RHOH: variants seen among roughly 807,000 people sequenced by gnomAD.
RHOH encodes ras homolog family member H.
Under a neutral mutation model 13.8 loss-of-function variants are expected in RHOH, and 6 were observed. The observed-to-expected ratio is 0.44, with a 90% CI of 0.24 to 0.86. The LOEUF (loss-of-function observed/expected upper bound fraction) is 0.86, where lower values mean the gene tolerates loss of function less well. Ranked by LOEUF, RHOH falls within the 40% of genes least tolerant of loss-of-function variation. The pLI is 0.24. For missense variants in RHOH, 147 were observed against 244.5 expected (o/e 0.60, Z 2.66); for synonymous variants, 117 against 103.0 (o/e 1.14, Z -0.82).
intron 1 of RHOH, among the ~76,000 whole-genome samples, chr4:40,197,825 T>C (rs1723401916): frequency 6.6e-6 from 1 of 152,362 alleles, no homozygotes; most frequent in Admixed American, 6.5e-5. Context: ...ATTTTTTAAT[T>C]AAATTTAATC....
At chr4:40,199,386 AC>A (rs1373126974) in intron 1 of RHOH, among the ~76,000 whole-genome samples, 1 of 152,244 alleles carries the variant, frequency 6.6e-6, no homozygotes, top group African/African-American at 2.4e-5. Flanking sequence ...AAGTAGGGTG[AC>A]AGGTGGAGGC....
At chr4:40,195,144 T>A (rs1052913119), upstream of RHOH, among the ~76,000 whole-genome samples, 6 of 152,212 alleles carry the variant, frequency 3.9e-5, no homozygotes, top group African/African-American at 1.4e-4. Context: ...TGTCTTCACT[T>A]CTCTTGGCCT....
At chr4:40,229,798 T>C (rs1294473419) in intron 1 of RHOH, among the ~76,000 whole-genome samples, 2 of 152,158 alleles carry the variant, frequency 1.3e-5, no homozygotes, top group Non-Finnish European at 2.9e-5. Context: ...CCAATCTTAC[T>C]TTATCCATTG....
intron 1 of RHOH, chr4:40,240,463 T>A (rs972966945): frequency 3.9e-5 from 6 of 152,136 alleles, no homozygotes; most frequent in African/African-American, 1.4e-4. Context: ...AGAGCAAGAC[T>A]CTGTCTCAAA....
At chr4:40,227,628 G>A (rs1393670046) in intron 1 of RHOH, among the ~76,000 whole-genome samples, 1 of 152,004 alleles carries the variant, frequency 6.6e-6, no homozygotes, top group African/African-American at 2.4e-5. Flanking sequence ...CAGGAATCTG[G>A]GGAATTCCCA....
chr4:40,218,102 CAAGT>C lies in RHOH; in HGVS notation c.-331+20803_-331+20806del, dbSNP rs1161960197. The C allele has an allele frequency of 6.6e-6, 1 of 152,174 alleles. No homozygotes were observed. The highest frequency in any genetic ancestry group is 1.5e-5 in the Non-Finnish European group (1 of 68,052). The allele number at this position is 152,174 out of a possible 1,614,324, so 9.4% of individuals were successfully genotyped here. On this transcript the variant is annotated intron_variant, in intron 1 of 2. Transcript: ENST00000381799. This position sits in a 1 kb window ranked among gnomAD's most constrained non-coding sequence, Gnocchi z 4.1. Reference sequence around the variant, plus strand: ...GTCCTTGGTATGAACATTTGGGAGGCAAGTGAGTGATAATGACCCACGGCTGCCT... The same window carrying C: ...GTCCTTGGTATGAACATTTGGGAGGCGAGTGATAATGACCCACGGCTGCCT...
upstream of RHOH, among the ~76,000 whole-genome samples, chr4:40,195,354 T>TTGCC (rs1553932214): frequency 1.1e-5 from 1 of 91,950 alleles, no homozygotes; most frequent in Non-Finnish European, 2.3e-5. Flanking sequence ...CTTTCTTTCT[T>TTGCC]TTCCTTCCTT....
Position 40,243,566 on chromosome 4 carries a change from C to A in RHOH, c.180C>A (p.Ala60=), listed in dbSNP as rs757065652. Residue 60 remains alanine (A), a synonymous_variant, in exon 3 of 3, where the codon GCC becomes GCA. Transcript: ENST00000381799. This position sits in a 1 kb window ranked among gnomAD's most constrained non-coding sequence, Gnocchi z 6.2. ...IQISLGLWDT[A]GNDAFRSIRP... ...TCAGCCTGGGCCTCTGGGACACAGC[C>A]GGCAATGACGCCTTCAGAAGCATCC... The A allele has an allele frequency of 1.9e-6, 3 of 1,614,138 alleles. No homozygotes were observed. The Admixed American group carries it at 5.0e-5, about 27-fold the overall frequency.
chr4:40,245,538 C>CAAAAAAA lies in RHOH; in HGVS notation c.*1584_*1590dup, dbSNP rs397967739. On this transcript the variant is annotated 3_prime_UTR_variant, in exon 3 of 3. Coordinates refer to ENST00000381799, the MANE Select transcript of RHOH (RefSeq NM_004310.5). ...TGGGCAACAGAGGGAGACTCCATCTCAAAAAAAAAAAAAAGAAAAGAAAAA... is the reference window on the plus strand; with the variant it reads ...TGGGCAACAGAGGGAGACTCCATCTCAAAAAAAAAAAAAAAAAAAAAGAAAAGAAAAA... 1 of 96,744 alleles carries CAAAAAAA rather than the reference C, an allele frequency of 1.0e-5. No homozygotes were observed. Among genetic ancestry groups the CAAAAAAA allele is most frequent in the Non-Finnish European group, 2.1e-5 (1 of 46,850 alleles). 6.0% of individuals were successfully genotyped at this position (96,744 alleles called of 1,614,324 possible). A position where few individuals can be genotyped will look rare whatever the true frequency, so the allele number is the denominator to read the frequency against.
upstream of RHOH, among the ~76,000 whole-genome samples, chr4:40,192,277 A>G (rs1299024235): frequency 3.3e-5 from 5 of 152,194 alleles, no homozygotes; most frequent in Non-Finnish European, 7.3e-5. Flanking sequence ...ACCTATCTTC[A>G]CAACTCACTG....
chr4:40,198,618 T>C (rs2109347222), intron 1 of RHOH, among the ~76,000 whole-genome samples: 1 of 152,326 alleles, frequency 6.6e-6, no homozygotes, highest in Non-Finnish European at 1.5e-5. Flanking sequence ...TGCCCTCTAC[T>C]GTCTTCCCTT....
intron 1 of RHOH, chr4:40,209,716 A>G (rs1725036832): frequency 6.6e-6 from 1 of 152,148 alleles, no homozygotes; most frequent in African/African-American, 2.4e-5. Flanking sequence ...TGCTGGGATT[A>G]CAGGCCTGAG....
At chr4:40,196,076 C>A (rs949866619), upstream of RHOH, among the ~76,000 whole-genome samples, 4 of 152,180 alleles carry the variant, frequency 2.6e-5, no homozygotes, top group Admixed American at 2.6e-4. Context: ...GGCAGCAGTA[C>A]TTTAGAATAA....
chr4:40,237,569 G>T (rs1458385330), intron 1 of RHOH, among the ~76,000 whole-genome samples: 3 of 152,226 alleles, frequency 2.0e-5, no homozygotes, highest in Non-Finnish European at 4.4e-5. Context: ...GCTAGGCTAT[G>T]AAGGGGCTAT....
At chr4:40,236,660 G>A (rs1351427082) in intron 1 of RHOH, among the ~76,000 whole-genome samples, 2 of 151,906 alleles carry the variant, frequency 1.3e-5, no homozygotes. Context: ...GCGTGGTGGT[G>A]TGCTCCCGTA....
Position 40,236,788 on chromosome 4 carries a change from T to TA in RHOH, c.-330-5913dup, listed in dbSNP as rs368852835. 8.1e-3 allele frequency among the ~76,000 whole-genome samples: 1,151 copies of TA among 142,374 alleles called. 23 individuals are homozygous for TA. The highest frequency in any genetic ancestry group is 0.046 in the East Asian group (228 of 4,974). The allele number at this position is 142,374 out of a possible 152,430, so 93.4% of individuals were successfully genotyped here. Reference sequence around the variant, plus strand: ...GCCTGGCGACAGAGTGAGACTCCATTAAAAAAAAAAAAAGTAACTTACCTA... The same window carrying TA: ...GCCTGGCGACAGAGTGAGACTCCATTAAAAAAAAAAAAAAGTAACTTACCTA... On this transcript the variant is annotated intron_variant, in intron 1 of 2. Coordinates refer to ENST00000381799, the MANE Select transcript of RHOH (RefSeq NM_004310.5).
intron 1 of RHOH, among the ~76,000 whole-genome samples, chr4:40,229,114 A>C (rs1054036596): frequency 6.6e-6 from 1 of 152,066 alleles, no homozygotes; most frequent in Non-Finnish European, 1.5e-5. Context: ...ATTGAAGCGC[A>C]AGATTTTCTT....
Position 40,232,365 on chromosome 4 carries a change from T to C in RHOH, c.-330-10349T>C, listed in dbSNP as rs188793417. Reference sequence around the variant, plus strand: ...TCAGCCTCCCAACTAGCTGGGACTATAGGCATGCTCCACCATGCCTGGCTA... The same window carrying C: ...TCAGCCTCCCAACTAGCTGGGACTACAGGCATGCTCCACCATGCCTGGCTA... On this transcript the variant is annotated intron_variant, in intron 1 of 2. Transcript: ENST00000381799. Among the ~76,000 whole-genome samples, 618 of 151,224 alleles carry C rather than the reference T, an allele frequency of 4.1e-3. 5 individuals carry two copies. The highest frequency in any genetic ancestry group is 6.7e-3 in the Admixed American group (101 of 15,038).
chr4:40,203,133 C>T (rs189448391), intron 1 of RHOH, among the ~76,000 whole-genome samples: 8 of 152,052 alleles, frequency 5.3e-5, no homozygotes, highest in Admixed American at 3.3e-4. Context: ...CACCAGGCCC[C>T]GCTAATTATT....
Sources: allele counts gnomAD v4.1 joint callset (sites outside exome capture counted in the v4.1 genomes callset), GRCh38; gene constraint gnomAD v4.1.1; non-coding constraint Gnocchi (gnomAD v3.1); transcripts MANE v1.5; gene names NCBI Gene and HGNC (gene_info 2026-07-23, HGNC 2026-07-21).